NASP: variants seen among roughly 807,000 people sequenced by gnomAD.
The protein encoded by NASP is nuclear autoantigenic sperm protein, also known as NASP histone chaperone.
NASP carries 24 observed loss-of-function variants against 89.5 expected under a neutral mutation model. The observed-to-expected ratio is 0.27, with a 90% CI of 0.19 to 0.38. NASP has a LOEUF of 0.38. Among genes scored for constraint, NASP ranks in the 10% least tolerant of loss-of-function variants. The pLI is 1.00. For missense variants in NASP, 848 were observed against 921.4 expected (o/e 0.92, Z 1.03); for synonymous variants, 306 against 324.7 (o/e 0.94, Z 0.62).
intron 13 of NASP, among the ~76,000 whole-genome samples, chr1:45,616,972 G>A (rs1644117449): frequency 6.6e-6 from 1 of 152,132 alleles, no homozygotes; most frequent in Non-Finnish European, 1.5e-5. Context: ...AGCTTCCCAA[G>A]TAGCTGGGAT....
Position 45,608,286 on chromosome 1 carries a change from G to A in NASP, c.1375G>A (p.Ala459Thr), listed in dbSNP as rs765655519. Residue 459 changes from alanine (A) to threonine (T), a missense_variant, in exon 6 of 15, where the codon GCT (alanine) becomes ACT (threonine). Coordinates refer to ENST00000350030, the MANE Select transcript of NASP (RefSeq NM_002482.4). ...ATCACCTGAAGACAAAGTTCAGATA[G>A]CTGCTAATGAAGAGACACAAGAGAG... ...EKSPEDKVQI[A>T]ANEETQEREE... 1 of 1,613,382 alleles carries A rather than the reference G, an allele frequency of 6.2e-7. No homozygotes were observed. The highest frequency in any genetic ancestry group is 8.5e-7 in the Non-Finnish European group (1 of 1,179,628).
chr1:45,587,277 C>G (rs1311818725), intron 1 of NASP, among the ~76,000 whole-genome samples: 1 of 151,912 alleles, frequency 6.6e-6, no homozygotes, highest in Non-Finnish European at 1.5e-5. Context: ...CCTCCGCCCT[C>G]CCGGATTCAA....
intron 2 of NASP, among the ~76,000 whole-genome samples, chr1:45,598,768 ATGT>A (rs1419321434): frequency 2.0e-5 from 3 of 152,192 alleles, no homozygotes; most frequent in African/African-American, 7.2e-5. Flanking sequence ...GTCAGTGGCA[ATGT>A]TGTTCTAGAA....
At chr1:45,614,972 A>G (rs1306533429) in intron 9 of NASP, 41 bp from the exon 10 acceptor site, 1 of 1,549,316 alleles carries the variant, frequency 6.5e-7, no homozygotes, top group Admixed American at 1.8e-5. Context: ...TTTTATGTTG[A>G]ATGCTGTCCA....
At position 45,607,720 on chromosome 1, in the gene NASP, T is replaced by A. The variant is rs1416233618; in HGVS notation, c.809T>A (p.Ile270Lys). 6.2e-7 allele frequency: 1 copy of A among 1,614,022 alleles called. No homozygotes were observed. Among genetic ancestry groups the A allele is most frequent in the Admixed American group, 1.7e-5 (1 of 60,002 alleles). Residue 270 changes from isoleucine to lysine, a missense_variant, in exon 6 of 15, where the codon ATA becomes AAA. Ile to Lys is a moderately radical substitution (Grantham distance 102, BLOSUM62 -3). Around this residue, in one of 5 missense-constraint regions of NASP, gnomAD observed 464 missense variants for 469.4 expected, o/e 0.99. Coordinates refer to ENST00000350030, the MANE Select transcript of NASP (RefSeq NM_002482.4). ...AAGCAGGGAGAGGTAATTGTGAGCATAGAGGAGAAGCCAAAAGAAGTTTCA... is the reference window on the plus strand; with the variant it reads ...AAGCAGGGAGAGGTAATTGTGAGCAAAGAGGAGAAGCCAAAAGAAGTTTCA... ...QEKQGEVIVS[I>K]EEKPKEVSEE... is the part of the protein sequence containing the mutation.
chr1:45,604,790 A>T, intron 3 of NASP, 146 bp from the exon 4 acceptor site: 1 of 612,084 alleles, frequency 1.6e-6, no homozygotes, highest in Non-Finnish European at 2.9e-6. Context: ...GCATTGTTTA[A>T]TGTCACTTTG....
intron 1 of NASP, among the ~76,000 whole-genome samples, chr1:45,584,837 C>A (rs1436232979): frequency 6.6e-6 from 1 of 152,134 alleles, no homozygotes; most frequent in African/African-American, 2.4e-5. Flanking sequence ...TCCGTGGGGC[C>A]GGCGAGGCTA....
At position 45,616,320 on chromosome 1, in the gene NASP, T is replaced by G. The variant is rs748953007; in HGVS notation, c.2023-17T>G. 20 of 1,613,488 alleles carry G rather than the reference T, an allele frequency of 1.2e-5. No homozygotes were observed. The South Asian group carries it at 2.2e-4, about 18-fold the overall frequency. On this transcript the variant is annotated splice_polypyrimidine_tract_variant and intron_variant, in intron 11 of 14. Coordinates refer to ENST00000350030, the MANE Select transcript of NASP (RefSeq NM_002482.4). ...GGTTCTATCTTCAAACTAATTTGGA[T>G]TTGTCATTTCTCGCAGGTGGAGAGT... is the stretch of plus-strand genomic sequence containing the variant.
chr1:45,613,039 G>C, intron 6 of NASP, 130 bp from the exon 7 acceptor site: 1 of 1,295,016 alleles, frequency 7.7e-7, no homozygotes. Flanking sequence ...TTCAGTTCAG[G>C]TGTTAACTCA....
At chr1:45,607,121 G>C in intron 5 of NASP, 200 bp from the exon 6 acceptor site, 1 of 580,924 alleles carries the variant, frequency 1.7e-6, no homozygotes, top group Non-Finnish European at 3.0e-6. Context: ...TAACAAGCTT[G>C]GGTTTCTTTT....
In NASP at chr1:45,617,469, C is replaced by A. The variant is rs780636281; in HGVS notation, c.2164C>A (p.Pro722Thr). 7.7e-5 allele frequency: 124 copies of A among 1,612,582 alleles called. No homozygotes were observed. The highest frequency in any genetic ancestry group is 5.3e-4 in the Admixed American group (32 of 59,848). Residue 722 changes from proline (P) to threonine (T), a missense_variant, in exon 14 of 15, where the codon CCA (proline) becomes ACA (threonine). Coordinates refer to ENST00000350030, the MANE Select transcript of NASP (RefSeq NM_002482.4). ...ISHLVRKKRK[P>T]EEESPRKDDA... Reference sequence around the variant, plus strand: ...TTCACAATTATATCTTTAGAGGAAACCAGAGGAAGAGAGTCCCCGGAAAGA... The same window carrying A: ...TTCACAATTATATCTTTAGAGGAAAACAGAGGAAGAGAGTCCCCGGAAAGA...
At position 45,606,488 on chromosome 1, in the gene NASP, G is replaced by A. The variant is rs779223015; in HGVS notation, c.306G>A (p.Glu102=). 6 of 1,612,640 alleles carry A rather than the reference G, an allele frequency of 3.7e-6. No homozygotes were observed. In the East Asian group the frequency reaches 1.1e-4, roughly 30 times the overall value. Residue 102 remains glutamate, a synonymous_variant, in exon 5 of 15, where the codon GAG becomes GAA. Transcript: ENST00000350030. ...CTTTCTTTTGTTCTCCTAGAATGGAGAATGGTGTGTTGGGAAACGCCTTGG... is the reference window on the plus strand; with the variant it reads ...CTTTCTTTTGTTCTCCTAGAATGGAAAATGGTGTGTTGGGAAACGCCTTGG... ...GKSLLELARM[E]NGVLGNALEG...
At chr1:45,584,656 A>G (rs796723561) in intron 1 of NASP, among the ~76,000 whole-genome samples, 81 of 73,992 alleles carry the variant, frequency 1.1e-3, no homozygotes, top group African/African-American at 4.0e-3. Context: ...TGCACGAGGA[A>G]GGAGGCTGGA....
intron 2 of NASP, among the ~76,000 whole-genome samples, chr1:45,597,925 TCCCTTCGTCTA>T (rs1359794994): frequency 6.6e-6 from 1 of 152,184 alleles, no homozygotes; most frequent in Non-Finnish European, 1.5e-5. Flanking sequence ...CCCTCATACT[TCCCTTCGTCTA>T]TTACCTCACA....
chr1:45,616,712 AC>A lies in NASP; in HGVS notation c.2157+10del. 1 of 1,608,168 alleles carries A rather than the reference AC, an allele frequency of 6.2e-7. No homozygotes were observed. Among genetic ancestry groups the A allele is most frequent in the Non-Finnish European group, 8.5e-7 (1 of 1,174,542 alleles). On this transcript the variant is annotated intron_variant, in intron 13 of 14. Coordinates refer to ENST00000350030, the MANE Select transcript of NASP (RefSeq NM_002482.4). ...ACCTTGTCAGAAAGAAGGTAAGTCTACATGTGGTGTTTCTTTTCTACCGTTT... is the reference window on the plus strand; with the variant it reads ...ACCTTGTCAGAAAGAAGGTAAGTCTAATGTGGTGTTTCTTTTCTACCGTTT...
intron 4 of NASP, 74 bp from the exon 5 acceptor site, chr1:45,606,408 C>T (rs1221974472): frequency 4.1e-6 from 4 of 984,618 alleles, no homozygotes; most frequent in Non-Finnish European, 6.5e-6. Context: ...TAATATAGGA[C>T]TGTATTTTCT....
chr1:45,597,386 G>T (rs1643726814), intron 2 of NASP, among the ~76,000 whole-genome samples: 1 of 145,622 alleles, frequency 6.9e-6, no homozygotes, highest in South Asian at 2.2e-4. Context: ...TATCTGAAAG[G>T]ACTGTTTAAA....
At chr1:45,599,276 A>G (rs1042835666) in intron 2 of NASP, among the ~76,000 whole-genome samples, 1 of 152,066 alleles carries the variant, frequency 6.6e-6, no homozygotes, top group Non-Finnish European at 1.5e-5. Flanking sequence ...CTACAGGTGC[A>G]TACCGTGATG....
At position 45,603,605 on chromosome 1, in the gene NASP, A is replaced by ATTTT. The variant is rs10646791; in HGVS notation, c.218+1257_218+1260dup. ...AAATTTTATCTGGTAGTATTTAGAG[A>ATTTT]TTTTTTTTTTTTTTTTTTTTGAGAT... is the stretch of plus-strand genomic sequence containing the variant. On this transcript the variant is annotated intron_variant, in intron 3 of 14. Transcript: ENST00000350030. 3.6e-3 allele frequency among the ~76,000 whole-genome samples: 429 copies of ATTTT among 118,980 alleles called. 7 individuals are homozygous for ATTTT. Among genetic ancestry groups the ATTTT allele is most frequent in the Non-Finnish European group, 4.1e-3 (252 of 60,888 alleles). 78.1% of individuals were successfully genotyped at this position (118,980 alleles called of 152,430 possible). A position where few individuals can be genotyped will look rare whatever the true frequency, so the allele number is the denominator to read the frequency against.
Sources: gnomAD v4.1 joint callset for allele counts (sites outside exome capture counted in the v4.1 genomes callset) on GRCh38, gnomAD v4.1.1 for gene constraint, gnomAD v4.1.1 regional missense constraint, MANE v1.5 for transcripts, NCBI Gene and HGNC (gene_info 2026-07-23, HGNC 2026-07-21) for gene names.